The following PHAX variants were observed in gnomAD, a reference collection of about 807,000 sequenced individuals.
The protein encoded by PHAX is phosphorylated adapter RNA export protein.
In PHAX, 31 loss-of-function variants were observed where a neutral mutation model predicts 41.6. The observed-to-expected ratio is 0.75, with a 90% confidence interval of 0.56 to 1.01. PHAX has a LOEUF of 1.01. Ranked by LOEUF, PHAX falls within the 50% of genes least tolerant of loss-of-function variation. The pLI is 0.00. For synonymous variants in PHAX, 175 were observed against 164.9 expected (o/e 1.06, Z -0.47); for missense variants, 453 against 472.9 (o/e 0.96, Z 0.39).
intron 1 of PHAX, 140 bp from the exon 2 acceptor site, chr5:126,603,430 G>T: frequency 2.2e-6 from 2 of 891,554 alleles, no homozygotes; most frequent in Non-Finnish European, 3.4e-6. Context: ...TAGAAAAGTA[G>T]GAACTTGATT....
intron 2 of PHAX, among the ~76,000 whole-genome samples, chr5:126,605,828 G>A (rs1751980458): frequency 6.6e-6 from 1 of 152,112 alleles, no homozygotes; most frequent in Non-Finnish European, 1.5e-5. Flanking sequence ...GGTTGTTTTT[G>A]TTTGTTTAGT....
intron 4 of PHAX, among the ~76,000 whole-genome samples, chr5:126,622,657 C>T (rs1554103412): frequency 6.6e-6 from 1 of 151,904 alleles, no homozygotes; most frequent in Non-Finnish European, 1.5e-5. Flanking sequence ...AAAATTTACT[C>T]AGTGTTACCA....
chr5:126,605,005 G>T (rs2112829339), intron 2 of PHAX, among the ~76,000 whole-genome samples: 1 of 151,886 alleles, frequency 6.6e-6, no homozygotes, highest in Non-Finnish European at 1.5e-5. Context: ...CTGCACTCCA[G>T]CCTGGGTGAC....
In PHAX at chr5:126,601,256, G is replaced by A. The variant is rs1221343567; in HGVS notation, c.96+198G>A. On this transcript the variant is annotated intron_variant, in intron 1 of 4. Transcript: ENST00000297540. ...CGGGCTCACGGAGCCCGGGCTGCGGGGGCCGAGGGGCGAGGGGCGACGGCG... is the reference window on the plus strand; with the variant it reads ...CGGGCTCACGGAGCCCGGGCTGCGGAGGCCGAGGGGCGAGGGGCGACGGCG... Among the ~76,000 whole-genome samples the A allele has an allele frequency of 3.3e-5, 5 of 152,118 alleles. 1 individual carries two copies. The highest frequency in any genetic ancestry group is 3.3e-4 in the Admixed American group (5 of 15,294).
intron 4 of PHAX, among the ~76,000 whole-genome samples, chr5:126,620,332 T>G (rs1752250464): frequency 6.6e-6 from 1 of 152,218 alleles, no homozygotes; most frequent in South Asian, 2.1e-4. Context: ...ACAAAAAGTA[T>G]GTACTTAAAA....
chr5:126,618,166 CTG>C (rs1348398575), intron 4 of PHAX, among the ~76,000 whole-genome samples: 9 of 152,142 alleles, frequency 5.9e-5, no homozygotes, highest in South Asian at 2.1e-4. Flanking sequence ...GTCTGGAACT[CTG>C]GGCTCTAGTG....
chr5:126,620,546 C>G (rs987294706), intron 4 of PHAX, among the ~76,000 whole-genome samples: 2 of 152,126 alleles, frequency 1.3e-5, no homozygotes, highest in African/African-American at 4.8e-5. Context: ...CACTCTGACT[C>G]CAAAACCATG....
rs778798055 is a variant in PHAX at position 126,601,019 on chromosome 5, C to T, written c.57C>T (p.Asp19=). The T allele has an allele frequency of 1.2e-6, 2 of 1,606,910 alleles. No individual in the cohort carries two copies. Among genetic ancestry groups the T allele is most frequent in the South Asian group, 1.1e-5 (1 of 90,762 alleles). The part of the protein sequence containing the change: ...EDGQLSDSDS[D]MTVAPSDRPL... ...GGCAGCTTTCCGACTCGGATTCCGA[C>T]ATGACGGTCGCACCCAGCGACAGGC... is the stretch of plus-strand genomic sequence containing the variant. The change falls in exon 1 of 5, where the codon GAC becomes GAT. Residue 19 remains aspartate, a synonymous_variant. Coordinates refer to ENST00000297540, the MANE Select transcript of PHAX (RefSeq NM_032177.4).
rs57270218 is a variant in PHAX at position 126,604,274 on chromosome 5, C to CTTTTTTTTTTTTT, written c.710+98_710+110dup. ...TGCCAAATACTTTAATGATATGTTCCTTTTTTTTTTTTTTTTTTTGGAGAC... is the reference window on the plus strand; with the variant it reads ...TGCCAAATACTTTAATGATATGTTCCTTTTTTTTTTTTTTTTTTTTTTTTTTTTTTTTGGAGAC... On this transcript the variant is annotated intron_variant, in intron 2 of 4. Transcript: ENST00000297540. 4.5e-4 allele frequency: 289 copies of CTTTTTTTTTTTTT among 645,762 alleles called. 22 individuals carry two copies. In the African/African-American group the frequency reaches 6.2e-3, roughly 14 times the overall value. The allele number at this position is 645,762 out of a possible 1,614,324, so 40.0% of individuals were successfully genotyped here. A position where few individuals can be genotyped will look rare whatever the true frequency, so the allele number is the denominator to read the frequency against.
At chr5:126,608,638 G>A (rs1367196572) in intron 3 of PHAX, among the ~76,000 whole-genome samples, 154 bp downstream of exon 3, 2 of 151,974 alleles carry the variant, frequency 1.3e-5, no homozygotes, top group East Asian at 3.9e-4. Flanking sequence ...AATGAAGACT[G>A]TTAAAAAAAA....
At chr5:126,617,917 T>C (rs749529722) in intron 4 of PHAX, among the ~76,000 whole-genome samples, 6 of 152,046 alleles carry the variant, frequency 3.9e-5, no homozygotes, top group Non-Finnish European at 5.9e-5. Flanking sequence ...TCTTTACCTA[T>C]ACACTTTTTA....
chr5:126,622,426 C>A (rs1411042417), intron 4 of PHAX, among the ~76,000 whole-genome samples: 1 of 145,836 alleles, frequency 6.9e-6, no homozygotes, highest in Non-Finnish European at 1.5e-5. Flanking sequence ...GCCAGCAAAC[C>A]CAGCCTAATT....
intron 4 of PHAX, among the ~76,000 whole-genome samples, chr5:126,623,287 T>C (rs1352926919): frequency 1.3e-5 from 2 of 152,110 alleles, no homozygotes; most frequent in Non-Finnish European, 2.9e-5. Context: ...CCCATCTCTA[T>C]CAAAAACTTT....
At position 126,617,352 on chromosome 5, in the gene PHAX, C is replaced by G. The variant is rs1465986518; in HGVS notation, c.915+19C>G. ...AATTAAGGTAATGATAATGTCCTCA[C>G]CTCTTAAGCGCCATCATAATTTGAC... On this transcript the variant is annotated intron_variant, in intron 4 of 4. Coordinates refer to ENST00000297540, the MANE Select transcript of PHAX (RefSeq NM_032177.4). The G allele has an allele frequency of 2.1e-6, 3 of 1,447,028 alleles. No individual in the cohort carries two copies. The East Asian group carries it at 6.8e-5, about 33-fold the overall frequency. 89.6% of individuals were successfully genotyped at this position (1,447,028 alleles called of 1,614,324 possible).
At chr5:126,621,486 C>T (rs1443351369) in intron 4 of PHAX, among the ~76,000 whole-genome samples, 1 of 152,122 alleles carries the variant, frequency 6.6e-6, no homozygotes, top group East Asian at 1.9e-4. Flanking sequence ...CCATGCCTGA[C>T]CAATAAAATT....
intron 4 of PHAX, among the ~76,000 whole-genome samples, chr5:126,623,389 C>A (rs1752300169): frequency 6.6e-6 from 1 of 152,152 alleles, no homozygotes; most frequent in Non-Finnish European, 1.5e-5. Context: ...TTTTCCACAT[C>A]TGAAAACAAG....
At chr5:126,614,119 G>C (rs2112834379) in intron 3 of PHAX, among the ~76,000 whole-genome samples, 1 of 151,998 alleles carries the variant, frequency 6.6e-6, no homozygotes, top group Non-Finnish European at 1.5e-5. Context: ...ACATATATTT[G>C]AGACAGTCTT....
intron 4 of PHAX, among the ~76,000 whole-genome samples, chr5:126,624,355 A>G (rs1285753686): frequency 6.6e-6 from 1 of 152,158 alleles, no homozygotes; most frequent in East Asian, 1.9e-4. Context: ...TTAAGGTAGA[A>G]TAAGCATGGG....
At chr5:126,601,824 G>C (rs994568394) in intron 1 of PHAX, among the ~76,000 whole-genome samples, 7 of 152,186 alleles carry the variant, frequency 4.6e-5, no homozygotes, top group African/African-American at 1.4e-4. Context: ...CCGCTGCCAC[G>C]CCCGGTTAAT....
Sources: gnomAD v4.1 joint callset for allele counts (sites outside exome capture counted in the v4.1 genomes callset) on GRCh38, gnomAD v4.1.1 for gene constraint, MANE v1.5 for transcripts, NCBI Gene and HGNC (gene_info 2026-07-23, HGNC 2026-07-21) for gene names.